Variants in ZFHX3 observed in about 807,000 individuals in gnomAD.
The protein encoded by ZFHX3 is zinc finger homeobox 3.
Under a neutral mutation model 279.1 loss-of-function variants are expected in ZFHX3, and 42 were observed. The observed-to-expected ratio is 0.15, with a 90% CI of 0.12 to 0.19. The LOEUF (loss-of-function observed/expected upper bound fraction) is 0.19, where lower values mean the gene tolerates loss of function less well. Among genes scored for constraint, ZFHX3 ranks in the 10% least tolerant of loss-of-function variants. ZFHX3 has a pLI of 1.00. For synonymous variants in ZFHX3, 2,293 were observed against 1,957.8 expected (o/e 1.17, Z -4.52); for missense variants, 4,981 against 4,754.0 (o/e 1.05, Z -1.40).
intron 1 of ZFHX3, among the ~76,000 whole-genome samples, chr16:72,963,382 A>G (rs1015034000): frequency 5.3e-5 from 8 of 152,236 alleles, no homozygotes; most frequent in African/African-American, 9.6e-5. Flanking sequence ...ATGGGCTTCA[A>G]GAATTCAGTT....
chr16:73,286,465 A>T lies in ZFHX3; in HGVS notation c.-1193-29329T>A, dbSNP rs989409128. ...AAGTACAAGACTTGATTTGAAATCA[A>T]ATTGTGTGGTTGGTGTACGGGAAGA... On this transcript the variant is annotated intron_variant, in intron 4 of 17. Coordinates refer to the ZFHX3 transcript ENST00000641206. Among the ~76,000 whole-genome samples, 3 of 152,174 alleles carry T rather than the reference A, an allele frequency of 2.0e-5. No homozygotes were observed. The South Asian group carries it at 6.2e-4, about 32-fold the overall frequency.
At chr16:73,144,477 G>A (rs1341641925) in intron 5 of ZFHX3, 1 of 152,188 alleles carries the variant, frequency 6.6e-6, no homozygotes, top group Non-Finnish European at 1.5e-5. Context: ...GAAGGGTTAA[G>A]CCAGGGAAGG....
intron 1 of ZFHX3, among the ~76,000 whole-genome samples, chr16:73,798,422 A>G (rs971685019): frequency 2.0e-5 from 3 of 151,930 alleles, no homozygotes; most frequent in African/African-American, 7.3e-5. Flanking sequence ...AAATTTAAGG[A>G]GAAGGTGCAT....
chr16:72,929,266 TA>T (rs1959660538), intron 3 of ZFHX3, among the ~76,000 whole-genome samples: 2 of 144,864 alleles, frequency 1.4e-5, no homozygotes, highest in African/African-American at 5.1e-5. Flanking sequence ...AAGAGTGAGG[TA>T]AAAAATCAAA....
intron 3 of ZFHX3, among the ~76,000 whole-genome samples, chr16:73,375,687 G>C (rs550138735): frequency 6.6e-6 from 1 of 152,036 alleles, no homozygotes; most frequent in Admixed American, 6.5e-5. Flanking sequence ...TTTTCTCCAT[G>C]CTAAAAAATC....
intron 2 of ZFHX3, among the ~76,000 whole-genome samples, chr16:73,622,565 A>AAAAGAAAGAAAGAAAGAAAG (rs143963139): frequency 6.6e-6 from 1 of 151,290 alleles, no homozygotes; most frequent in African/African-American, 2.5e-5. Context: ...CTGTCTCCAA[A>AAAAGAAAGAAAGAAAGAAAG]AAAGAAAGAA....
At chr16:73,682,960 A>T (rs1178300552) in intron 1 of ZFHX3, among the ~76,000 whole-genome samples, 1 of 25,564 alleles carries the variant, frequency 3.9e-5, no homozygotes, top group African/African-American at 1.3e-4. Context: ...GAAAGAAAGA[A>T]AGAAAGAAAG....
chr16:73,036,340 G>A (rs1252971796), intron 1 of ZFHX3, among the ~76,000 whole-genome samples: 5 of 152,168 alleles, frequency 3.3e-5, no homozygotes, highest in East Asian at 1.9e-4. Context: ...GCGGAAGGCC[G>A]GTCCAGAGGC....
chr16:73,001,059 C>T (rs1396500755), intron 1 of ZFHX3, among the ~76,000 whole-genome samples: 1 of 152,218 alleles, frequency 6.6e-6, no homozygotes, highest in Non-Finnish European at 1.5e-5. Context: ...GGACTCACTT[C>T]TTACCAACAG....
Position 73,483,894 on chromosome 16 carries a change from T to C in ZFHX3, c.-1546-27636A>G, listed in dbSNP as rs2018920121. Among the ~76,000 whole-genome samples the C allele has an allele frequency of 2.6e-5, 4 of 151,474 alleles. 1 individual carries two copies. In the South Asian group the frequency reaches 8.4e-4, roughly 32 times the overall value. The stretch of plus-strand genomic sequence containing the variant: ...AGAAGAAAAGCGCAGGCGGCTGTCT[T>C]TTCTTTTCTTCCCCTGTTCCCCACC... On this transcript the variant is annotated intron_variant, in intron 2 of 17. Transcript: ENST00000641206.
chr16:73,877,525 T>C (rs2029991728), intron 1 of ZFHX3, among the ~76,000 whole-genome samples: 2 of 152,184 alleles, frequency 1.3e-5, no homozygotes, highest in Non-Finnish European at 2.9e-5. Flanking sequence ...TTGATACAGA[T>C]GAAAACTTAA....
chr16:73,609,454 G>A (rs948314626), intron 2 of ZFHX3: 3 of 152,138 alleles, frequency 2.0e-5, no homozygotes, highest in Non-Finnish European at 4.4e-5. Flanking sequence ...AAATTGAAAG[G>A]GTTGTCAACA....
At chr16:73,107,391 T>C (rs1966318332) in intron 7 of ZFHX3, among the ~76,000 whole-genome samples, 2 of 152,258 alleles carry the variant, frequency 1.3e-5, no homozygotes, top group South Asian at 2.1e-4. Context: ...CAAACCTTAT[T>C]GAAAAAAGGA....
chr16:72,815,117 G>C (rs1049230828), intron 5 of ZFHX3, among the ~76,000 whole-genome samples: 7 of 152,156 alleles, frequency 4.6e-5, no homozygotes, highest in African/African-American at 1.7e-4. Flanking sequence ...AAACAGTTGT[G>C]CAAGTTCTGG....
intron 2 of ZFHX3, among the ~76,000 whole-genome samples, chr16:73,520,542 A>T (rs1205623633): frequency 6.6e-6 from 1 of 152,164 alleles, no homozygotes; most frequent in African/African-American, 2.4e-5. Context: ...GGAACAGCTG[A>T]TGCACCTTCA....
chr16:73,215,046 C>T (rs1054374637), intron 5 of ZFHX3, among the ~76,000 whole-genome samples: 1 of 151,984 alleles, frequency 6.6e-6, no homozygotes, highest in African/African-American at 2.4e-5. Flanking sequence ...GTTCTTAGTT[C>T]TTTGCCATAA....
intron 3 of ZFHX3, among the ~76,000 whole-genome samples, chr16:72,893,234 T>G (rs765659831): frequency 2.4e-4 from 36 of 152,056 alleles, no homozygotes; most frequent in Non-Finnish European, 2.4e-4. Context: ...ATTTTGGAGG[T>G]AGAATAAACT....
intron 3 of ZFHX3, among the ~76,000 whole-genome samples, chr16:73,423,102 G>A (rs2017747261): frequency 1.3e-5 from 2 of 152,094 alleles, no homozygotes; most frequent in Admixed American, 1.3e-4. Context: ...CCTCTTCAAA[G>A]ACTCCATCCC....
chr16:73,042,869 T>C (rs1965166760), intron 1 of ZFHX3, among the ~76,000 whole-genome samples: 1 of 151,890 alleles, frequency 6.6e-6, no homozygotes, highest in African/African-American at 2.4e-5. Flanking sequence ...AAGACCCACT[T>C]ACAATTAAAC....
Sources: allele counts gnomAD v4.1 joint callset (sites outside exome capture counted in the v4.1 genomes callset), GRCh38; gene constraint gnomAD v4.1.1; transcripts MANE v1.5; gene names NCBI Gene and HGNC (gene_info 2026-07-23, HGNC 2026-07-21).